The following CLIP4 variants were observed in gnomAD, a reference collection of about 807,000 sequenced individuals.
CLIP4 encodes CAP-Gly domain containing linker protein family member 4, also known as CAP-Gly domain-containing linker protein 4.
In CLIP4, 47 loss-of-function variants were observed where a neutral mutation model predicts 73.1. The ratio of observed to expected loss-of-function variants is 0.64; its 90% CI spans 0.51 to 0.82. The LOEUF (loss-of-function observed/expected upper bound fraction) is 0.82. Ranked by LOEUF, CLIP4 falls within the 40% of genes least tolerant of loss-of-function variation. The probability of loss-of-function intolerance (pLI) is 0.00; values close to 1 mark genes in which losing one functional copy is unlikely to be tolerated. For synonymous variants in CLIP4, 306 were observed against 295.4 expected (o/e 1.04, Z -0.37); for missense variants, 874 against 852.9 (o/e 1.02, Z -0.31).
intron 2 of CLIP4, among the ~76,000 whole-genome samples, chr2:29,123,679 A>G (rs1664411952): frequency 6.6e-6 from 1 of 152,224 alleles, no homozygotes; most frequent in Non-Finnish European, 1.5e-5. Flanking sequence ...TGAGAAGCAA[A>G]GTGATTGATG....
chr2:29,121,204 C>A (rs1173387705), intron 1 of CLIP4, among the ~76,000 whole-genome samples, 170 bp from the exon 2 acceptor site: 5 of 152,106 alleles, frequency 3.3e-5, no homozygotes, highest in Non-Finnish European at 7.4e-5. Flanking sequence ...GCAATGTATG[C>A]CTTTTAACAA....
chr2:29,175,886 C>G (rs531839548), intron 15 of CLIP4, among the ~76,000 whole-genome samples: 3 of 151,976 alleles, frequency 2.0e-5, no homozygotes, highest in African/African-American at 7.2e-5. Flanking sequence ...CTCAGCCTCC[C>G]AAGCAGCTGG....
Position 29,131,338 on chromosome 2 carries a change from GC to G in CLIP4, c.216del (p.Ile73PhefsTer2). ...DPKTSVSELF[A>X]ILRQWVPQVQ... ...CAAAACTTCAGTTTCAGAATTATTT[GC>G]CATTTTGAGACAGTGGGTTCCTCAG... On this transcript the variant is annotated frameshift_variant, in exon 3 of 16. Transcript: ENST00000320081. LOFTEE classifies it high-confidence loss of function. The G allele has an allele frequency of 6.2e-7, 1 of 1,610,272 alleles. No individual in the cohort carries two copies.
intron 15 of CLIP4, among the ~76,000 whole-genome samples, chr2:29,179,501 T>C (rs1345252589): frequency 6.6e-6 from 1 of 152,198 alleles, no homozygotes; most frequent in Non-Finnish European, 1.5e-5. Flanking sequence ...CTTTGCTCTT[T>C]TCATCTCTCT....
intron 14 of CLIP4, among the ~76,000 whole-genome samples, chr2:29,172,139 T>G (rs887296755): frequency 6.6e-6 from 1 of 152,098 alleles, no homozygotes; most frequent in Admixed American, 6.5e-5. Context: ...TTAATGATTT[T>G]TATCCTTTCT....
In CLIP4 at chr2:29,133,682, C is replaced by A; in HGVS notation, c.395C>A (p.Ala132Glu). The change falls in exon 5 of 16, where the codon GCA (alanine) becomes GAA (glutamate). Residue 132 changes from alanine (A) to glutamate (E), a missense_variant. Transcript: ENST00000320081. ...GATGTGGAAACAGCTGTAAAATTTG[C>A]AACTCAGCTTATTGACCTGGGAGCA... Reference protein sequence around the residue: ...IGDVETAVKFATQLIDLGADI... With the variant: ...IGDVETAVKFETQLIDLGADI... 1 of 1,611,546 alleles carries A rather than the reference C, an allele frequency of 6.2e-7. No individual in the cohort carries two copies. Among genetic ancestry groups the A allele is most frequent in the Non-Finnish European group, 8.5e-7 (1 of 1,179,304 alleles).
intron 13 of CLIP4, among the ~76,000 whole-genome samples, chr2:29,165,906 C>CT (rs1334780990): frequency 4.6e-5 from 7 of 150,706 alleles, no homozygotes; most frequent in Admixed American, 2.7e-4. Flanking sequence ...ACGTTTTTTA[C>CT]TTTTTTTTGA....
At chr2:29,140,124 A>T (rs554713838) in intron 6 of CLIP4, among the ~76,000 whole-genome samples, 1 of 151,732 alleles carries the variant, frequency 6.6e-6, no homozygotes, top group Non-Finnish European at 1.5e-5. Flanking sequence ...ACTTGTGCAC[A>T]ATGTGCAGGT....
At chr2:29,157,418 CT>C (rs775405238) in intron 11 of CLIP4, 71 bp downstream of exon 11, 2 of 1,612,316 alleles carry the variant, frequency 1.2e-6, no homozygotes, top group Non-Finnish European at 1.7e-6. Context: ...TAGATTTGCT[CT>C]TTTTAAATGT....
chr2:29,107,782 G>C (rs1287574034), intron 1 of CLIP4, among the ~76,000 whole-genome samples: 1 of 151,980 alleles, frequency 6.6e-6, no homozygotes, highest in African/African-American at 2.4e-5. Context: ...TATCTCCTGG[G>C]CTCAAGCGAG....
rs755456404 is a variant in CLIP4, at chr2:29,133,732, A to G, written c.445A>G (p.Thr149Ala). 2 of 1,613,870 alleles carry G rather than the reference A, an allele frequency of 1.2e-6. No individual in the cohort carries two copies. The highest frequency in any genetic ancestry group is 2.2e-5 in the South Asian group (2 of 91,066). The change falls in exon 5 of 16, where the codon ACA becomes GCA. Residue 149 changes from threonine (T) to alanine (A), a missense_variant. Transcript: ENST00000320081. Reference protein sequence around the residue: ...GADISLRSRWTNMNALHYAAY... With the variant: ...GADISLRSRWANMNALHYAAY... ...AGACATTAGTTTGCGGAGTCGCTGG[A>G]CAAACATGAATGCTTTGCATTATGC... is the stretch of plus-strand genomic sequence containing the variant.
At chr2:29,176,101 T>G (rs766890157) in intron 15 of CLIP4, among the ~76,000 whole-genome samples, 7 of 152,234 alleles carry the variant, frequency 4.6e-5, no homozygotes, top group Non-Finnish European at 8.8e-5. Flanking sequence ...CTGTTTTTAC[T>G]CATAAAGTGT....
At chr2:29,099,912 T>C (rs1236397184) in intron 1 of CLIP4, among the ~76,000 whole-genome samples, 2 of 152,248 alleles carry the variant, frequency 1.3e-5, no homozygotes, top group Non-Finnish European at 2.9e-5. Flanking sequence ...TTTTGTTAGA[T>C]TTATACATAA....
chr2:29,142,038 T>G (rs1260405740), intron 6 of CLIP4, among the ~76,000 whole-genome samples: 9 of 152,296 alleles, frequency 5.9e-5, no homozygotes, highest in African/African-American at 1.9e-4. Flanking sequence ...TTGTTCCTGT[T>G]GTCGTGTTGT....
At chr2:29,170,612 C>G (rs576608651) in intron 14 of CLIP4, among the ~76,000 whole-genome samples, 1 of 152,052 alleles carries the variant, frequency 6.6e-6, no homozygotes, top group Non-Finnish European at 1.5e-5. Flanking sequence ...TAATGAAGTC[C>G]GAGTTATCAG....
rs991413325 is a variant in CLIP4 at position 29,102,168 on chromosome 2, C to T, written c.-16+4221C>T. Among the ~76,000 whole-genome samples the T allele has an allele frequency of 2.6e-5, 4 of 152,096 alleles. No homozygotes were observed. In the South Asian group the frequency reaches 8.3e-4, roughly 32 times the overall value. On this transcript the variant is annotated intron_variant, in intron 1 of 14. Coordinates refer to the CLIP4 transcript ENST00000401605. ...TGAGGGAACTGAATGAACCCTATTG[C>T]TTTAATCTCTTCTCACTACTAGGGG...
At chr2:29,159,549 A>T (rs991236817) in intron 11 of CLIP4, among the ~76,000 whole-genome samples, 12 of 152,134 alleles carry the variant, frequency 7.9e-5, no homozygotes, top group African/African-American at 2.9e-4. Flanking sequence ...TTTAACCTTC[A>T]AATCACACTA....
rs573139776 is a variant in CLIP4, at chr2:29,167,352, A to G, written c.1659-124A>G. The G allele has an allele frequency of 1.7e-5, 9 of 517,022 alleles. No homozygotes were observed. In the African/African-American group the frequency reaches 1.8e-4, roughly 10 times the overall value. 32.0% of individuals were successfully genotyped at this position (517,022 alleles called of 1,614,324 possible). A position where few individuals can be genotyped will look rare whatever the true frequency, so the allele number is the denominator to read the frequency against. On this transcript the variant is annotated intron_variant, in intron 13 of 15. Transcript: ENST00000320081. ...GATGGAAGTTCATTCCTGGCTTAAA[A>G]TGGACCCTCCATAAATATTTGTCTG...
At chr2:29,135,144 G>A (rs945216262) in intron 5 of CLIP4, among the ~76,000 whole-genome samples, 7 of 152,126 alleles carry the variant, frequency 4.6e-5, no homozygotes, top group African/African-American at 1.7e-4. Context: ...GCTGGATTTG[G>A]CCTCTGAGTC....
Sources: gnomAD v4.1 joint callset for allele counts (sites outside exome capture counted in the v4.1 genomes callset) on GRCh38, gnomAD v4.1.1 for gene constraint, MANE v1.5 for transcripts, NCBI Gene and HGNC (gene_info 2026-07-23, HGNC 2026-07-21) for gene names.